Variants in DPP6 observed in about 807,000 individuals in gnomAD.
DPP6 encodes dipeptidyl peptidase like 6.
Under a neutral mutation model 122.6 loss-of-function variants are expected in DPP6, and 69 were observed. The observed-to-expected ratio is 0.56, with a 90% CI of 0.46 to 0.69. The LOEUF is 0.69. DPP6 is among the 30% of genes least tolerant of loss of function. DPP6 has a pLI of 0.00. For synonymous variants in DPP6, 418 were observed against 433.1 expected (o/e 0.97, Z 0.43); for missense variants, 928 against 1,116.9 (o/e 0.83, Z 2.41).
chr7:154,447,624 A>G (rs1005589738), intron 2 of DPP6, among the ~76,000 whole-genome samples: 1 of 152,172 alleles, frequency 6.6e-6, no homozygotes, highest in Non-Finnish European at 1.5e-5. Context: ...AAGATATCAC[A>G]AGGAAACAAC....
chr7:154,314,687 G>A lies in DPP6; in HGVS notation c.244-131527G>A, dbSNP rs192359293. On this transcript the variant is annotated intron_variant, in intron 1 of 25. Coordinates refer to ENST00000377770, the MANE Select transcript of DPP6 (RefSeq NM_130797.4). Reference sequence around the variant, plus strand: ...ACAGGAGTAAAACCAAGCTCAGAGAGGTTGAGTAAATTACCAAAATCATGC... The same window carrying A: ...ACAGGAGTAAAACCAAGCTCAGAGAAGTTGAGTAAATTACCAAAATCATGC... 9.2e-5 allele frequency among the ~76,000 whole-genome samples: 14 copies of A among 152,236 alleles called. No individual in the cohort carries two copies. In the East Asian group the frequency reaches 2.7e-3, roughly 29 times the overall value.
chr7:154,853,795 T>G lies in DPP6; in HGVS notation c.1682T>G (p.Met561Arg). 1.2e-6 allele frequency: 2 copies of G among 1,613,944 alleles called. No homozygotes were observed. The highest frequency in any genetic ancestry group is 1.3e-5 in the African/African-American group (1 of 75,068). The change falls in exon 17 of 26, where the codon ATG becomes AGG. Residue 561 changes from methionine to arginine, a missense_variant. By Grantham distance (91) the Met-to-Arg change is moderately conservative (BLOSUM62 -1). Transcript: ENST00000377770. ...LLKCEGPGVPMVTVHNTTDKK... is the reference protein window; with the variant it reads ...LLKCEGPGVPRVTVHNTTDKK... ...CCCAACACAGGTCCTGGTGTTCCTA[T>G]GGTGACGGTGCACAACACAACAGAT...
At chr7:154,560,037 T>C (rs963576731) in intron 4 of DPP6, among the ~76,000 whole-genome samples, 10 of 150,856 alleles carry the variant, frequency 6.6e-5, no homozygotes. Flanking sequence ...ACAGTATTTA[T>C]TGGCCATAAA....
intron 1 of DPP6, among the ~76,000 whole-genome samples, chr7:154,410,299 C>T (rs1467303936): frequency 2.6e-5 from 4 of 152,134 alleles, no homozygotes; most frequent in Non-Finnish European, 5.9e-5. Context: ...TCCTGACAGG[C>T]GAGATTAGTG....
chr7:153,806,162 C>A, the DPP6 span, among the ~76,000 whole-genome samples: 1 of 151,636 alleles, frequency 6.6e-6, no homozygotes, highest in African/African-American at 2.4e-5. Context: ...GAGAAATGAG[C>A]CCTCCCTGCC....
chr7:153,756,896 C>T, the DPP6 span, among the ~76,000 whole-genome samples: 1 of 152,022 alleles, frequency 6.6e-6, no homozygotes, highest in Non-Finnish European at 1.5e-5. Flanking sequence ...AATCTAAGCT[C>T]ATACATAAGT....
At chr7:154,058,439 C>A (rs1801114860) in intron 1 of DPP6, 1 of 136,112 alleles carries the variant, frequency 7.3e-6, no homozygotes, top group Non-Finnish European at 1.6e-5. Context: ...TGAGAGCTAT[C>A]CTCTCTTCCG....
chr7:153,858,851 A>G, the DPP6 span, among the ~76,000 whole-genome samples: 1 of 152,198 alleles, frequency 6.6e-6, no homozygotes, highest in Non-Finnish European at 1.5e-5. Context: ...TATAATTATC[A>G]TTATCTGCTA....
intron 25 of DPP6, among the ~76,000 whole-genome samples, 152 bp from the exon 26 acceptor site, chr7:154,892,182 T>C (rs1047005619): frequency 3.3e-5 from 5 of 152,158 alleles, no homozygotes; most frequent in African/African-American, 1.2e-4. Flanking sequence ...GGCACTTCCA[T>C]CAGGAGTGGC....
chr7:154,872,177 C>G (rs1804453638), intron 18 of DPP6, among the ~76,000 whole-genome samples: 1 of 152,178 alleles, frequency 6.6e-6, no homozygotes, highest in South Asian at 2.1e-4. Flanking sequence ...TAGGCGGCCC[C>G]CTGTCTCCCC....
intron 1 of DPP6, among the ~76,000 whole-genome samples, chr7:154,158,077 C>G (rs1045938678): frequency 1.3e-5 from 2 of 149,088 alleles, no homozygotes; most frequent in African/African-American, 4.9e-5. Flanking sequence ...TACTTTTCAC[C>G]CAATTTCACC....
chr7:154,131,220 T>G (rs1290464696), intron 1 of DPP6, among the ~76,000 whole-genome samples: 1 of 152,218 alleles, frequency 6.6e-6, no homozygotes, highest in Non-Finnish European at 1.5e-5. Context: ...ATCCTAAGAT[T>G]TAGAAGCTAT....
chr7:154,446,965 C>T (rs900897072), intron 2 of DPP6, among the ~76,000 whole-genome samples: 1 of 151,936 alleles, frequency 6.6e-6, no homozygotes, highest in East Asian at 1.9e-4. Context: ...AATTTAGTAG[C>T]CAGAGAGTGG....
intron 1 of DPP6, among the ~76,000 whole-genome samples, chr7:154,245,281 C>A (rs1801901081): frequency 6.6e-6 from 1 of 151,756 alleles, no homozygotes; most frequent in Non-Finnish European, 1.5e-5. Context: ...AATACAGAGA[C>A]ACAGATAGGT....
intron 5 of DPP6, among the ~76,000 whole-genome samples, chr7:154,610,570 A>G (rs1158806162): frequency 2.0e-5 from 3 of 152,178 alleles, no homozygotes; most frequent in Non-Finnish European, 4.4e-5. Flanking sequence ...CTGCAATGGC[A>G]TATTGCTTCT....
chr7:153,923,195 C>A (rs1800723781), intron 1 of DPP6, among the ~76,000 whole-genome samples: 1 of 152,170 alleles, frequency 6.6e-6, no homozygotes, highest in Non-Finnish European at 1.5e-5. Flanking sequence ...ACCTAGGAGA[C>A]CATCCTTAGA....
At chr7:154,366,069 A>G (rs574093873) in intron 1 of DPP6, among the ~76,000 whole-genome samples, 1 of 151,808 alleles carries the variant, frequency 6.6e-6, no homozygotes, top group East Asian at 1.9e-4. Flanking sequence ...CTCCTCTTGC[A>G]GCACCTGGGG....
At chr7:153,774,237 G>A in the DPP6 span, among the ~76,000 whole-genome samples, 1 of 152,156 alleles carries the variant, frequency 6.6e-6, no homozygotes, top group African/African-American at 2.4e-5. Flanking sequence ...CAAGTCCGAA[G>A]GCTTTTATAA....
chr7:154,653,017 C>A (rs893948843), intron 6 of DPP6, among the ~76,000 whole-genome samples: 3 of 152,172 alleles, frequency 2.0e-5, no homozygotes, highest in African/African-American at 7.2e-5. Context: ...CTACAGTGTT[C>A]CCCTGTCTCC....
Sources: gnomAD v4.1 joint callset for allele counts (sites outside exome capture counted in the v4.1 genomes callset) on GRCh38, gnomAD v4.1.1 for gene constraint, MANE v1.5 for transcripts, NCBI Gene and HGNC (gene_info 2026-07-23, HGNC 2026-07-21) for gene names.